Variants in MZT2A observed in about 807,000 individuals in gnomAD.
MZT2A encodes the protein mitotic spindle organizing protein 2A.
A neutral mutation model predicts 12.4 loss-of-function variants in MZT2A; 8 were observed. That is an observed-to-expected ratio of 0.64 (90% CI 0.38 to 1.16). MZT2A has a LOEUF of 1.16. MZT2A is among the 50% of genes most tolerant of loss of function. The pLI, the probability that MZT2A is intolerant of heterozygous loss-of-function variation, is 0.01. For missense variants in MZT2A, 181 were observed against 223.6 expected (o/e 0.81, Z 1.22); for synonymous variants, 88 against 107.5 (o/e 0.82, Z 1.12).
chr2:131,471,774 C>T (rs2950560), intron 3 of MZT2A, among the ~76,000 whole-genome samples: 23,888 of 149,472 alleles, frequency 0.16, 4,637 homozygotes, highest in African/African-American at 0.47. Context: ...CTGCTTACTC[C>T]GCGGGGTTGA....
chr2:131,484,595 A>G (rs1046744832), intron 2 of MZT2A, among the ~76,000 whole-genome samples: 1 of 151,486 alleles, frequency 6.6e-6, no homozygotes, highest in Non-Finnish European at 1.5e-5. Context: ...CAGCGGCAGC[A>G]GCAGCAGCAG....
At position 131,492,304 on chromosome 2, in the gene MZT2A, G is replaced by A; in HGVS notation, c.73C>T (p.Leu25=). 6.5e-7 allele frequency: 1 copy of A among 1,541,042 alleles called. No homozygotes were observed. Among genetic ancestry groups the A allele is most frequent in the South Asian group, 1.2e-5 (1 of 84,194 alleles). The part of the protein sequence containing the change: ...PPGLEAARQK[L]ALRRKKVLST... The stretch of plus-strand genomic sequence containing the variant: ...AGCACCTTCTTGCGCCGCAGCGCCA[G>A]CTTCTGCCGGGCCGCCTCCAGCCCC... Residue 25 remains leucine (L), a synonymous_variant, in exon 1 of 3, where the codon CTG becomes TTG. Coordinates refer to ENST00000309451, the MANE Select transcript of MZT2A (RefSeq NM_001085365.2).
chr2:131,493,109 C>T (rs552998993), upstream of MZT2A: 247 of 1,490,922 alleles, frequency 1.7e-4, no homozygotes, highest in African/African-American at 2.9e-3. Context: ...CGGCTTCCAC[C>T]TCTGAAGCGG....
chr2:131,483,511 C>G (rs1221532330), downstream of MZT2A, among the ~76,000 whole-genome samples: 1 of 152,022 alleles, frequency 6.6e-6, no homozygotes, highest in Non-Finnish European at 1.5e-5. Context: ...GGTGGGAGAT[C>G]GAGACCATCC....
At chr2:131,472,809 C>T (rs192198145) in intron 2 of MZT2A, among the ~76,000 whole-genome samples, 64 of 152,192 alleles carry the variant, frequency 4.2e-4, no homozygotes, top group Admixed American at 2.0e-3. Context: ...CGCTGAAGGA[C>T]GCGTGGCTGG....
intron 2 of MZT2A, chr2:131,490,966 G>C: frequency 6.5e-7 from 1 of 1,548,696 alleles, no homozygotes; most frequent in East Asian, 2.4e-5. Flanking sequence ...GCAGGTGCCC[G>C]GGCCCTCTTG....
chr2:131,484,592 A>AGCG (rs1678980663), intron 2 of MZT2A, among the ~76,000 whole-genome samples: 1 of 55,620 alleles, frequency 1.8e-5, no homozygotes, highest in African/African-American at 1.4e-4. Context: ...CATCAGCGGC[A>AGCG]GCAGCAGCAG....
chr2:131,488,957 G>A (rs1435139455), intron 2 of MZT2A, among the ~76,000 whole-genome samples: 1 of 136,362 alleles, frequency 7.3e-6, no homozygotes, highest in African/African-American at 2.9e-5. Context: ...CTCTATGCCT[G>A]CATTTCCAGT....
rs1368594863 is a variant in MZT2A at position 131,471,224 on chromosome 2, G to T, written c.393+844C>A. Among the ~76,000 whole-genome samples, 2 of 140,420 alleles carry T rather than the reference G, an allele frequency of 1.4e-5. 1 individual carries two copies. The highest frequency in any genetic ancestry group is 6.6e-5 in the African/African-American group (2 of 30,342). The allele number at this position is 140,420 out of a possible 152,430, so 92.1% of individuals were successfully genotyped here. Reference sequence around the variant, plus strand: ...GTGTCAAGCAATGAGACGCTGCCCAGCCCACACTGCACTCCCAGACAAGTC... The same window carrying T: ...GTGTCAAGCAATGAGACGCTGCCCATCCCACACTGCACTCCCAGACAAGTC... On this transcript the variant is annotated intron_variant and NMD_transcript_variant, in intron 3 of 4. Coordinates refer to the MZT2A transcript ENST00000427024.
chr2:131,490,636 G>C, intron 2 of MZT2A: 1 of 1,548,926 alleles, frequency 6.5e-7, no homozygotes, highest in Non-Finnish European at 8.7e-7. Context: ...AAAGCTGCTT[G>C]GGCCTCTTGG....
At chr2:131,490,128 A>G in intron 2 of MZT2A, 1 of 676,962 alleles carries the variant, frequency 1.5e-6, no homozygotes, top group Non-Finnish European at 1.8e-6. Context: ...AGGCTCATGC[A>G]GGAGGCGCGA....
chr2:131,485,305 C>A (rs1272293061), intron 2 of MZT2A, among the ~76,000 whole-genome samples: 1 of 152,198 alleles, frequency 6.6e-6, no homozygotes, highest in African/African-American at 2.4e-5. Flanking sequence ...AGGCTCAAAC[C>A]CTGGCTGGGG....
At chr2:131,479,912 C>A (rs1255677010), downstream of MZT2A, among the ~76,000 whole-genome samples, 1 of 152,174 alleles carries the variant, frequency 6.6e-6, no homozygotes. Context: ...GTCCGTAGAT[C>A]TTTGCTTTTC....
chr2:131,476,032 T>A (rs1214701189), intron 2 of MZT2A: 4 of 1,291,804 alleles, frequency 3.1e-6, no homozygotes, highest in African/African-American at 1.5e-5. Flanking sequence ...AGAACTGGGA[T>A]CCGGCCCTCA....
upstream of MZT2A, chr2:131,492,667 A>T: frequency 8.0e-7 from 1 of 1,243,482 alleles, no homozygotes. Context: ...GTGCTCGCTT[A>T]GGTGGCAGCA....
At chr2:131,485,251 G>A (rs1679009288) in intron 2 of MZT2A, among the ~76,000 whole-genome samples, 2 of 152,212 alleles carry the variant, frequency 1.3e-5, no homozygotes, top group South Asian at 4.1e-4. Context: ...GACTGAGGGA[G>A]TGCCTTGACC....
upstream of MZT2A, among the ~76,000 whole-genome samples, chr2:131,493,689 A>G (rs1679445948): frequency 6.6e-6 from 1 of 151,910 alleles, no homozygotes. Flanking sequence ...ACGAAACAAA[A>G]AAAACAAACG....
intron 2 of MZT2A, among the ~76,000 whole-genome samples, chr2:131,475,046 T>C (rs1158704415): frequency 1.3e-5 from 2 of 152,128 alleles, no homozygotes; most frequent in South Asian, 2.1e-4. Flanking sequence ...CTGCAACCTC[T>C]GCCTCCCAGG....
chr2:131,480,657 G>T (rs2104725839), downstream of MZT2A: 2 of 1,613,860 alleles, frequency 1.2e-6, no homozygotes, highest in Admixed American at 3.3e-5. Flanking sequence ...GTACAGGGGG[G>T]ACGTGGTCCC....
Sources: allele counts gnomAD v4.1 joint callset (sites outside exome capture counted in the v4.1 genomes callset), GRCh38; gene constraint gnomAD v4.1.1; transcripts MANE v1.5; gene names NCBI Gene and HGNC (gene_info 2026-07-23, HGNC 2026-07-21).